The following RB1CC1 variants were observed in gnomAD, a reference collection of about 807,000 sequenced individuals.
The protein encoded by RB1CC1 is RB1-inducible coiled-coil protein 1.
Under a neutral mutation model 177.5 loss-of-function variants are expected in RB1CC1, and 46 were observed. The observed-to-expected ratio is 0.26, with a 90% CI of 0.20 to 0.33. The LOEUF is 0.33. RB1CC1 is among the 10% of genes least tolerant of loss of function. The pLI, the probability that RB1CC1 is intolerant of heterozygous loss-of-function variation, is 1.00. For missense variants in RB1CC1, 1,703 were observed against 1,816.3 expected (o/e 0.94, Z 1.13); for synonymous variants, 666 against 613.6 (o/e 1.09, Z -1.26).
At chr8:52,634,601 T>G (rs541443295) in intron 20 of RB1CC1, among the ~76,000 whole-genome samples, 9 of 152,122 alleles carry the variant, frequency 5.9e-5, no homozygotes, top group Non-Finnish European at 1.2e-4. Context: ...AAAAGACTTA[T>G]GAAACATAAC....
intron 3 of RB1CC1, among the ~76,000 whole-genome samples, chr8:52,685,098 G>A (rs1362694266): frequency 6.6e-6 from 1 of 151,430 alleles, no homozygotes; most frequent in Non-Finnish European, 1.5e-5. Flanking sequence ...TGCCCCCCGG[G>A]GTTCAAGTGA....
intron 1 of RB1CC1, among the ~76,000 whole-genome samples, chr8:52,711,844 CAG>C (rs1857087355): frequency 1.3e-5 from 2 of 152,154 alleles, no homozygotes; most frequent in South Asian, 4.1e-4. Flanking sequence ...CCATGTATAT[CAG>C]AGCCTTTCCA....
intron 1 of RB1CC1, among the ~76,000 whole-genome samples, chr8:52,697,760 C>G (rs1014672660): frequency 6.6e-6 from 1 of 152,162 alleles, no homozygotes; most frequent in Non-Finnish European, 1.5e-5. Flanking sequence ...TAATAAAACA[C>G]TAGAAAATGT....
chr8:52,656,532 A>G lies in RB1CC1; in HGVS notation c.3297T>C (p.Asn1099=), dbSNP rs1445070906. 6.2e-7 allele frequency: 1 copy of G among 1,610,856 alleles called. No individual in the cohort carries two copies. The highest frequency in any genetic ancestry group is 8.5e-7 in the Non-Finnish European group (1 of 1,179,450). Reference sequence around the variant, plus strand: ...TGAGTTTACTAATTTCTGTTCTCAAATTTTCTGTCTCTTGTTCAAGAAGAG... The same window carrying G: ...TGAGTTTACTAATTTCTGTTCTCAAGTTTTCTGTCTCTTGTTCAAGAAGAG... ...LKSLLEQETE[N]LRTEISKLNQ... is the part of the protein sequence containing the mutation. The change falls in exon 15 of 24, where the codon AAT becomes AAC. Residue 1099 remains asparagine (N), a synonymous_variant. Coordinates refer to ENST00000025008, the MANE Select transcript of RB1CC1 (RefSeq NM_014781.5).
At chr8:52,643,053 C>T in intron 16 of RB1CC1, 1 of 322,552 alleles carries the variant, frequency 3.1e-6, no homozygotes, top group Non-Finnish European at 5.3e-6. Context: ...CATATATTTA[C>T]TGTCAGAGAT....
Position 52,674,067 on chromosome 8 carries a change from C to T in RB1CC1, c.780G>A (p.Lys260=), listed in dbSNP as rs1369844774. The T allele has an allele frequency of 1.9e-6, 3 of 1,614,102 alleles. No homozygotes were observed. The highest frequency in any genetic ancestry group is 2.7e-5 in the African/African-American group (2 of 75,030). The change falls in exon 7 of 24, where the codon AAG becomes AAA. Residue 260 remains lysine (K), a synonymous_variant. Coordinates refer to ENST00000025008, the MANE Select transcript of RB1CC1 (RefSeq NM_014781.5). ...TNESLLTSFP[K]SVEHVSPDTA... is the part of the protein sequence containing the mutation. ...TATCTGGGGACACATGTTCCACTGA[C>T]TTGGGAAATGAGGTTAACAAAGATT...
Position 52,657,518 on chromosome 8 carries a change from C to T in RB1CC1, c.2311G>A (p.Ala771Thr). 1 of 1,613,974 alleles carries T rather than the reference C, an allele frequency of 6.2e-7. No homozygotes were observed. Among genetic ancestry groups the T allele is most frequent in the South Asian group, 1.1e-5 (1 of 91,082 alleles). ...VESLYSSVIN[A>T]IDSRRMQDTN... ...TCCTGCATTCGTCTACTGTCTATCG[C>T]ATTGATAACTGATGAATAAAGTGAT... The change falls in exon 15 of 24, where the codon GCG becomes ACG. Residue 771 changes from alanine to threonine, a missense_variant. By Grantham distance (58) the Ala-to-Thr change is moderately conservative. Transcript: ENST00000025008.
At chr8:52,625,015 C>T (rs1470579366) in intron 22 of RB1CC1, among the ~76,000 whole-genome samples, 1 of 152,102 alleles carries the variant, frequency 6.6e-6, no homozygotes, top group Non-Finnish European at 1.5e-5. Flanking sequence ...ATTAAATATA[C>T]ATGATATGTC....
At chr8:52,685,878 T>C (rs1260157493) in intron 2 of RB1CC1, 2 of 153,692 alleles carry the variant, frequency 1.3e-5, no homozygotes, top group Non-Finnish European at 2.9e-5. Context: ...CCTGAGAGTT[T>C]TCCCCCCACT....
intron 5 of RB1CC1, among the ~76,000 whole-genome samples, chr8:52,682,743 T>C (rs564435498): frequency 1.3e-5 from 2 of 152,148 alleles, no homozygotes; most frequent in South Asian, 4.1e-4. Context: ...GTAAATTCAG[T>C]TTACATAAGT....
intron 5 of RB1CC1, among the ~76,000 whole-genome samples, chr8:52,682,626 C>T (rs1487220151): frequency 6.6e-6 from 1 of 151,908 alleles, no homozygotes; most frequent in Non-Finnish European, 1.5e-5. Flanking sequence ...AATTATATAT[C>T]CTAGTTATCC....
At chr8:52,688,432 G>A (rs2150620422) in intron 1 of RB1CC1, among the ~76,000 whole-genome samples, 1 of 152,244 alleles carries the variant, frequency 6.6e-6, no homozygotes, top group South Asian at 2.1e-4. Flanking sequence ...GTTGAGATAA[G>A]GACTGAGATA....
chr8:52,709,374 TTC>T (rs572756270), intron 1 of RB1CC1, among the ~76,000 whole-genome samples: 19 of 152,336 alleles, frequency 1.2e-4, no homozygotes, highest in East Asian at 3.9e-4. Context: ...ATTTACAATT[TTC>T]TCGAGAGATT....
In RB1CC1 at chr8:52,623,472, CTCA is replaced by C. The variant is rs1848181554; in HGVS notation, c.*307_*309del. On this transcript the variant is annotated 3_prime_UTR_variant, in exon 24 of 24. Coordinates refer to ENST00000025008, the MANE Select transcript of RB1CC1 (RefSeq NM_014781.5). The stretch of plus-strand genomic sequence containing the variant: ...TATATTTAACAGGCAATTAATATGG[CTCA>C]TCATAAGCCACAATGCACAAGGTAT... The C allele has an allele frequency of 2.7e-6, 1 of 372,992 alleles. No individual in the cohort carries two copies. Among genetic ancestry groups the C allele is most frequent in the Admixed American group, 3.8e-5 (1 of 26,348 alleles). 23.1% of individuals were successfully genotyped at this position (372,992 alleles called of 1,614,324 possible).
At chr8:52,652,504 G>A (rs185430147) in intron 15 of RB1CC1, among the ~76,000 whole-genome samples, 2 of 149,846 alleles carry the variant, frequency 1.3e-5, no homozygotes, top group Non-Finnish European at 1.5e-5. Context: ...ACCATGTAAT[G>A]AGGTTATTTG....
intron 12 of RB1CC1, 90 bp downstream of exon 12, chr8:52,660,506 T>C (rs1203159729): frequency 5.7e-6 from 7 of 1,225,372 alleles, no homozygotes; most frequent in Non-Finnish European, 8.1e-6. Context: ...CCACAACAAT[T>C]TCTGCAAGTT....
In RB1CC1 at chr8:52,657,030, C is replaced by T; in HGVS notation, c.2799G>A (p.Lys933=). ...VICLQNEKDQ[K]LLEMENIMHS... is the part of the protein sequence containing the mutation. ...GCATTATATTTTCCATCTCTAACAA[C>T]TTCTGATCCTTTTCATTCTGCAGGC... Residue 933 remains lysine, a synonymous_variant, in exon 15 of 24, where the codon AAG becomes AAA. Transcript: ENST00000025008. 2 of 1,613,374 alleles carry T rather than the reference C, an allele frequency of 1.2e-6. No individual in the cohort carries two copies. Among genetic ancestry groups the T allele is most frequent in the Non-Finnish European group, 1.7e-6 (2 of 1,179,860 alleles).
Position 52,635,909 on chromosome 8 carries a change from T to C in RB1CC1, c.4392+106A>G, listed in dbSNP as rs1849106372. ...AAAATAAGTTAATCATAAAAAGGCT[T>C]AATTTATAAACACAAATAGTCTATT... On this transcript the variant is annotated intron_variant, in intron 19 of 23. Transcript: ENST00000025008. 3 of 1,378,884 alleles carry C rather than the reference T, an allele frequency of 2.2e-6. No individual in the cohort carries two copies. The Admixed American group carries it at 8.0e-5, about 37-fold the overall frequency. The allele number at this position is 1,378,884 out of a possible 1,614,324, so 85.4% of individuals were successfully genotyped here.
chr8:52,694,564 T>C (rs1448294377), intron 1 of RB1CC1, among the ~76,000 whole-genome samples: 1 of 152,180 alleles, frequency 6.6e-6, no homozygotes, highest in African/African-American at 2.4e-5. Flanking sequence ...TACTTAACTA[T>C]CTGGTCCTTT....
Sources: gnomAD v4.1 joint callset for allele counts (sites outside exome capture counted in the v4.1 genomes callset) on GRCh38, gnomAD v4.1.1 for gene constraint, MANE v1.5 for transcripts, NCBI Gene and HGNC (gene_info 2026-07-23, HGNC 2026-07-21) for gene names.